The following RAC3 variants were observed in gnomAD, a reference collection of about 807,000 sequenced individuals.
RAC3 encodes ras-related C3 botulinum toxin substrate 3.
In RAC3, 9 loss-of-function variants were observed where a neutral mutation model predicts 19.0. The observed-to-expected ratio is 0.47, with a 90% CI of 0.29 to 0.83. The LOEUF is 0.83. RAC3 is among the 40% of genes least tolerant of loss of function. RAC3 has a pLI of 0.09. For synonymous variants in RAC3, 146 were observed against 111.8 expected (o/e 1.31, Z -1.93); for missense variants, 203 against 260.8 (o/e 0.78, Z 1.53).
rs1021252429 is a variant in RAC3, at chr17:82,033,633, TG to T, written c.448+38del. 1.2e-6 allele frequency: 2 copies of T among 1,600,902 alleles called. No homozygotes were observed. On this transcript the variant is annotated intron_variant, in intron 5 of 5. Transcript: ENST00000306897. The surrounding 1 kb of genome is among the most constrained non-coding windows in gnomAD (Gnocchi z 6.2). ...GCGCTGGCGGCCTGCAGGGGAGGGG[TG>T]GGGAGGCGCAGTAAGGGCCTCCCTG...
At chr17:82,032,147 G>A (rs2043436886) in intron 1 of RAC3, 2 of 552,408 alleles carry the variant, frequency 3.6e-6, no homozygotes, top group East Asian at 3.0e-5. Flanking sequence ...CGGAGTCGGG[G>A]CCTCTGCCTG....
In RAC3 at chr17:82,033,626, GGAGGGGTGGGGA is replaced by G; in HGVS notation, c.448+29_448+40del. ...TGGGTAGGCGCTGGCGGCCTGCAGG[GGAGGGGTGGGGA>G]GGCGCAGTAAGGGCCTCCCTGTACC... On this transcript the variant is annotated intron_variant, in intron 5 of 5. Coordinates refer to ENST00000306897, the MANE Select transcript of RAC3 (RefSeq NM_005052.3). This position sits in a 1 kb window ranked among gnomAD's most constrained non-coding sequence, Gnocchi z 6.2. 5.6e-6 allele frequency: 9 copies of G among 1,602,294 alleles called. No individual in the cohort carries two copies. The highest frequency in any genetic ancestry group is 7.7e-6 in the Non-Finnish European group (9 of 1,172,376).
Position 82,033,876 on chromosome 17 carries a change from AC to A in RAC3, c.*48del, listed in dbSNP as rs1364526408. On this transcript the variant is annotated 3_prime_UTR_variant, in exon 6 of 6. Transcript: ENST00000306897. The surrounding 1 kb of genome is among the most constrained non-coding windows in gnomAD (Gnocchi z 6.2). ...GAGGGCTGGCGGGGAGCAGCCCTGG[AC>A]GTGTCCGCTGTTGTGTTGAGACGTG... 7 of 1,545,598 alleles carry A rather than the reference AC, an allele frequency of 4.5e-6. No individual in the cohort carries two copies. Among genetic ancestry groups the A allele is most frequent in the Non-Finnish European group, 6.1e-6 (7 of 1,143,480 alleles).
intron 1 of RAC3, 100 bp from the exon 2 acceptor site, chr17:82,032,287 C>T (rs1004821935): frequency 6.1e-6 from 7 of 1,145,428 alleles, no homozygotes; most frequent in Non-Finnish European, 6.4e-6. Flanking sequence ...CGACCCCAGA[C>T]GCCCCTAACT....
At position 82,033,737 on chromosome 17, in the gene RAC3, C is replaced by G; in HGVS notation, c.487C>G (p.Arg163Gly). ...CCTGGAGTGCTCAGCCCTGACCCAG[C>G]GGGGCCTGAAGACAGTGTTTGACGA... is the stretch of plus-strand genomic sequence containing the variant. ...KYLECSALTQ[R>G]GLKTVFDEAI... Residue 163 changes from arginine to glycine, a missense_variant, in exon 6 of 6, where the codon CGG becomes GGG. Arg to Gly is a moderately radical substitution (Grantham distance 125). Around this residue, in one of 3 missense-constraint regions of RAC3, gnomAD observed 142 missense variants for 158.2 expected, o/e 0.90. Coordinates refer to ENST00000306897, the MANE Select transcript of RAC3 (RefSeq NM_005052.3). This position sits in a 1 kb window ranked among gnomAD's most constrained non-coding sequence, Gnocchi z 6.2. The G allele has an allele frequency of 6.2e-7, 1 of 1,613,042 alleles. No homozygotes were observed. Among genetic ancestry groups the G allele is most frequent in the Non-Finnish European group, 8.5e-7 (1 of 1,179,858 alleles).
chr17:82,033,614 G>A lies in RAC3; in HGVS notation c.448+15G>A, dbSNP rs755422867. ...CCGGGAGATTGGTGGGTAGGCGCTG[G>A]CGGCCTGCAGGGGAGGGGTGGGGAG... On this transcript the variant is annotated intron_variant, in intron 5 of 5. Transcript: ENST00000306897. This position sits in a 1 kb window ranked among gnomAD's most constrained non-coding sequence, Gnocchi z 6.2. 11 of 1,605,324 alleles carry A rather than the reference G, an allele frequency of 6.9e-6. No homozygotes were observed. In the South Asian group the frequency reaches 1.1e-4, roughly 16 times the overall value.
Position 82,032,429 on chromosome 17 carries a change from C to T in RAC3, c.78C>T (p.Asn26=). 3.1e-6 allele frequency: 5 copies of T among 1,613,058 alleles called. No homozygotes were observed. The South Asian group carries it at 3.3e-5, about 11-fold the overall frequency. ...GCTTGCTGATCAGCTACACGACCAACGCCTTCCCCGGAGAGTACATCCCCA... is the reference window on the plus strand; with the variant it reads ...GCTTGCTGATCAGCTACACGACCAATGCCTTCCCCGGAGAGTACATCCCCA... The part of the protein sequence containing the change: ...KTCLLISYTT[N]AFPGEYIPTV... The change falls in exon 2 of 6, where the codon AAC becomes AAT. Residue 26 remains asparagine, a synonymous_variant. Transcript: ENST00000306897.
chr17:82,032,525 G>A (rs2043441199), intron 2 of RAC3, 67 bp downstream of exon 2: 1 of 1,566,238 alleles, frequency 6.4e-7, no homozygotes, highest in Admixed American at 1.7e-5. Context: ...GGGGACACGG[G>A]CAGGGTCTCC....
In RAC3 at chr17:82,034,045, C is replaced by T. The variant is rs184321106; in HGVS notation, c.*216C>T. The T allele has an allele frequency of 2.2e-3, 578 of 259,324 alleles. 3 individuals are homozygous for T. Among genetic ancestry groups the T allele is most frequent in the African/African-American group, 0.019 (529 of 27,932 alleles). 16.1% of individuals were successfully genotyped at this position (259,324 alleles called of 1,614,324 possible). On this transcript the variant is annotated 3_prime_UTR_variant, in exon 6 of 6. Transcript: ENST00000306897. ...GCCTTCCCTGGCCCCCGCCGGAGGCCGGGAGGGAGCAGGGTCTCCCTCAGG... is the reference window on the plus strand; with the variant it reads ...GCCTTCCCTGGCCCCCGCCGGAGGCTGGGAGGGAGCAGGGTCTCCCTCAGG...
chr17:82,033,653 C>T lies in RAC3; in HGVS notation c.449-46C>T, dbSNP rs562421264. 3.0e-4 allele frequency: 483 copies of T among 1,603,228 alleles called. 7 individuals are homozygous for T. The South Asian group carries it at 4.8e-3, about 16-fold the overall frequency. ...AGGGGTGGGGAGGCGCAGTAAGGGC[C>T]TCCCTGTACCCCACCCTCACTGTCT... On this transcript the variant is annotated intron_variant, in intron 5 of 5. Transcript: ENST00000306897. The surrounding 1 kb of genome is among the most constrained non-coding windows in gnomAD (Gnocchi z 6.2).
At position 82,033,995 on chromosome 17, in the gene RAC3, C is replaced by A; in HGVS notation, c.*166C>A. On this transcript the variant is annotated 3_prime_UTR_variant, in exon 6 of 6. Transcript: ENST00000306897. The surrounding 1 kb of genome is among the most constrained non-coding windows in gnomAD (Gnocchi z 6.2). ...GGTGGCAGGATCCTGTCCTCTCTGCCGCCTCATTCTGGGGTGTGGCTCCAG... is the reference window on the plus strand; with the variant it reads ...GGTGGCAGGATCCTGTCCTCTCTGCAGCCTCATTCTGGGGTGTGGCTCCAG... The A allele has an allele frequency of 5.4e-6, 5 of 928,950 alleles. No homozygotes were observed. Among genetic ancestry groups the A allele is most frequent in the Non-Finnish European group, 7.7e-6 (5 of 645,298 alleles). The allele number at this position is 928,950 out of a possible 1,614,324, so 57.5% of individuals were successfully genotyped here.
rs887532006 is a variant in RAC3, at chr17:82,033,291, A to G, written c.289-149A>G. 1 of 1,039,104 alleles carries G rather than the reference A, an allele frequency of 9.6e-7. No homozygotes were observed. The highest frequency in any genetic ancestry group is 1.4e-6 in the Non-Finnish European group (1 of 737,446). 64.4% of individuals were successfully genotyped at this position (1,039,104 alleles called of 1,614,324 possible). A position where few individuals can be genotyped will look rare whatever the true frequency, so the allele number is the denominator to read the frequency against. ...GCGTGTTTGTTCCTGGTATCTCCCC[A>G]CCAAATCCGCCCCTGGTCACCCCTT... On this transcript the variant is annotated intron_variant, in intron 4 of 5. Coordinates refer to ENST00000306897, the MANE Select transcript of RAC3 (RefSeq NM_005052.3). This position sits in a 1 kb window ranked among gnomAD's most constrained non-coding sequence, Gnocchi z 6.2.
intron 2 of RAC3, 39 bp from the exon 3 acceptor site, chr17:82,032,672 C>A (rs1303117166): frequency 1.3e-6 from 2 of 1,578,914 alleles, no homozygotes; most frequent in Non-Finnish European, 1.7e-6. Context: ...GTTTCTGGGA[C>A]CCCTCCCAAG....
chr17:82,032,018 C>A (rs2043435340), intron 1 of RAC3: 1 of 198,844 alleles, frequency 5.0e-6, no homozygotes, highest in East Asian at 1.3e-4. Flanking sequence ...CTGCCCGGCT[C>A]CCGCTTGGGC....
rs911230206 is a variant in RAC3, at chr17:82,033,390, G to T, written c.289-50G>T. 2.0e-6 allele frequency: 3 copies of T among 1,523,820 alleles called. No homozygotes were observed. The highest frequency in any genetic ancestry group is 4.6e-4 in the Middle Eastern group (2 of 4,338). The allele number at this position is 1,523,820 out of a possible 1,614,324, so 94.4% of individuals were successfully genotyped here. A position where few individuals can be genotyped will look rare whatever the true frequency, so the allele number is the denominator to read the frequency against. On this transcript the variant is annotated intron_variant, in intron 4 of 5. Transcript: ENST00000306897. The surrounding 1 kb of genome is among the most constrained non-coding windows in gnomAD (Gnocchi z 6.2). ...GAGGGCCGTGACTTGCTCAGGTGGG[G>T]CTGGGGTAGCCGACTCCGGGCCTAG...
Position 82,033,147 on chromosome 17 carries a change from G to C in RAC3, c.288+138G>C. On this transcript the variant is annotated intron_variant, in intron 4 of 5. Transcript: ENST00000306897. This position sits in a 1 kb window ranked among gnomAD's most constrained non-coding sequence, Gnocchi z 6.2. ...GAGTGGGGTCTGAAGATGACCATGG[G>C]GGCTGATGGGGTGCCGTGGTGGTGG... is the stretch of plus-strand genomic sequence containing the variant. 1 of 968,860 alleles carries C rather than the reference G, an allele frequency of 1.0e-6. No individual in the cohort carries two copies. The highest frequency in any genetic ancestry group is 1.6e-6 in the Non-Finnish European group (1 of 636,798). The allele number at this position is 968,860 out of a possible 1,614,324, so 60.0% of individuals were successfully genotyped here.
chr17:82,032,510 A>T (rs760659827), intron 2 of RAC3, 52 bp downstream of exon 2: 383 of 1,593,240 alleles, frequency 2.4e-4, no homozygotes, highest in Non-Finnish European at 3.2e-4. Flanking sequence ...TGAGTGTGGC[A>T]TGGGGGGGAC....
chr17:82,033,560 A>G lies in RAC3; in HGVS notation c.409A>G (p.Ile137Val). 5 of 1,612,674 alleles carry G rather than the reference A, an allele frequency of 3.1e-6. No individual in the cohort carries two copies. The highest frequency in any genetic ancestry group is 4.2e-6 in the Non-Finnish European group (5 of 1,179,718). Reference protein sequence around the residue: ...ERLRDKKLAPITYPQGLAMAR... With the variant: ...ERLRDKKLAPVTYPQGLAMAR... ...GCTGCGGGACAAGAAGCTGGCACCCATCACCTACCCACAGGGCCTGGCCAT... is the reference window on the plus strand; with the variant it reads ...GCTGCGGGACAAGAAGCTGGCACCCGTCACCTACCCACAGGGCCTGGCCAT... Residue 137 changes from isoleucine (I) to valine (V), a missense_variant, in exon 5 of 6, where the codon ATC becomes GTC. By Grantham distance (29) the Ile-to-Val change is conservative. Transcript: ENST00000306897. This position sits in a 1 kb window ranked among gnomAD's most constrained non-coding sequence, Gnocchi z 6.2.
chr17:82,032,019 C>G, intron 1 of RAC3: 1 of 200,002 alleles, frequency 5.0e-6, no homozygotes, highest in Non-Finnish European at 9.8e-6. Flanking sequence ...TGCCCGGCTC[C>G]CGCTTGGGCT....
Sources: allele counts gnomAD v4.1 joint callset, GRCh38; gene constraint gnomAD v4.1.1; regional missense constraint gnomAD v4.1.1; non-coding constraint Gnocchi (gnomAD v3.1); transcripts MANE v1.5; gene names NCBI Gene and HGNC (gene_info 2026-07-23, HGNC 2026-07-21).